ITGB8: variants seen among roughly 807,000 people sequenced by gnomAD.
ITGB8 encodes integrin beta-8.
Under a neutral mutation model 89.5 loss-of-function variants are expected in ITGB8, and 30 were observed. The ratio of observed to expected loss-of-function variants is 0.34; its 90% CI spans 0.25 to 0.45. ITGB8 has a LOEUF of 0.45. Ranked by LOEUF, ITGB8 falls within the 20% of genes least tolerant of loss-of-function variation. ITGB8 has a pLI of 1.00. For missense variants in ITGB8, 836 were observed against 933.3 expected, an observed-to-expected ratio of 0.90 and a Z score of 1.36; for synonymous variants, 335 against 320.4, an observed-to-expected ratio of 1.05 and a Z score of -0.49.
At chr7:20,402,495 C>G (rs1010726248) in intron 10 of ITGB8, among the ~76,000 whole-genome samples, 1 of 152,164 alleles carries the variant, frequency 6.6e-6, no homozygotes, top group South Asian at 2.1e-4. Flanking sequence ...GGTAAATGGT[C>G]ACTCCCTCCA....
At chr7:20,391,325 G>T in intron 6 of ITGB8, 78 bp from the exon 7 acceptor site, 2 of 662,128 alleles carry the variant, frequency 3.0e-6, no homozygotes, top group Non-Finnish European at 2.5e-6. Flanking sequence ...AAGTCATACA[G>T]TTTTCTTCAT....
intron 1 of ITGB8, among the ~76,000 whole-genome samples, chr7:20,342,511 G>A (rs1366299935): frequency 6.6e-6 from 1 of 152,140 alleles, no homozygotes; most frequent in Non-Finnish European, 1.5e-5. Flanking sequence ...GGTTACACAA[G>A]ACCAGGTTGT....
intron 1 of ITGB8, among the ~76,000 whole-genome samples, chr7:20,357,111 T>C (rs987399072): frequency 1.3e-5 from 2 of 152,156 alleles, no homozygotes; most frequent in African/African-American, 4.8e-5. Context: ...ACCATTTAAT[T>C]CTGGGAAATA....
At chr7:20,386,549 C>T (rs2158251) in intron 6 of ITGB8, among the ~76,000 whole-genome samples, 18,816 of 151,500 alleles carry the variant, frequency 0.12, 1,510 homozygotes, top group East Asian at 0.4. Flanking sequence ...TGAGCCACTG[C>T]GCCTGGCCTG....
rs556517632 is a variant in ITGB8 at position 20,393,922 on chromosome 7, C to T, written c.1057-974C>T. ...GTCTGTGCACATCTCTATTGTTTCA[C>T]GTGTTCACATGTACAGTGTTTAGTG... is the stretch of plus-strand genomic sequence containing the variant. On this transcript the variant is annotated intron_variant, in intron 7 of 13. Transcript: ENST00000222573. Among the ~76,000 whole-genome samples the T allele has an allele frequency of 1.4e-4, 21 of 152,266 alleles. No individual in the cohort carries two copies. In the South Asian group the frequency reaches 3.5e-3, roughly 26 times the overall value.
chr7:20,347,550 G>C (rs534523571), intron 1 of ITGB8, among the ~76,000 whole-genome samples: 1 of 152,320 alleles, frequency 6.6e-6, no homozygotes, highest in South Asian at 2.1e-4. Context: ...TTGAGGCTGT[G>C]GTAGAGAGAG....
rs1787892373 is a variant in ITGB8 at position 20,415,309 on chromosome 7, T to C, written c.*5312T>C. 6.6e-6 allele frequency: 1 copy of C among 151,996 alleles called. No individual in the cohort carries two copies. The highest frequency in any genetic ancestry group is 1.9e-4 in the East Asian group (1 of 5,190). The allele number at this position is 151,996 out of a possible 1,614,324, so 9.4% of individuals were successfully genotyped here. On this transcript the variant is annotated 3_prime_UTR_variant, in exon 14 of 14. Transcript: ENST00000222573. The stretch of plus-strand genomic sequence containing the variant: ...AAAAATTAGAAATGTATTAAACTTA[T>C]CAGTAACATAAAAACTTATTTTGTT...
At chr7:20,387,571 T>A (rs1786678459) in intron 6 of ITGB8, among the ~76,000 whole-genome samples, 1 of 152,054 alleles carries the variant, frequency 6.6e-6, no homozygotes, top group Admixed American at 6.6e-5. Flanking sequence ...TCAACTGGAG[T>A]GATTTTACCC....
At chr7:20,362,482 T>A (rs1396230668) in intron 1 of ITGB8, among the ~76,000 whole-genome samples, 1 of 152,172 alleles carries the variant, frequency 6.6e-6, no homozygotes, top group Non-Finnish European at 1.5e-5. Context: ...TGGGGAGCAA[T>A]CCTTAAATAT....
intron 3 of ITGB8, among the ~76,000 whole-genome samples, chr7:20,369,062 C>T (rs1174728245): frequency 6.6e-6 from 1 of 152,134 alleles, no homozygotes; most frequent in Non-Finnish European, 1.5e-5. Context: ...CCAGTTCACA[C>T]CTGAATTTAA....
intron 1 of ITGB8, among the ~76,000 whole-genome samples, chr7:20,358,416 TTTC>T (rs1785375361): frequency 6.6e-6 from 1 of 151,096 alleles, no homozygotes; most frequent in African/African-American, 2.5e-5. Flanking sequence ...GCATCATTTT[TTTC>T]TTTTTTTTTT....
At position 20,391,485 on chromosome 7, in the gene ITGB8, T is replaced by G. The variant is rs1786854088; in HGVS notation, c.1043T>G (p.Phe348Cys). The change falls in exon 7 of 14, where the codon TTT becomes TGT. Residue 348 changes from phenylalanine to cysteine, a missense_variant. By Grantham distance (205) the Phe-to-Cys change is radical (BLOSUM62 -2). Around this residue, in one of 5 missense-constraint regions of ITGB8, gnomAD observed 192 missense variants for 267.1 expected, o/e 0.72. Transcript: ENST00000222573. ...ATCTTTGCAGTTCAAGGAAAACAAT[T>G]TCATTGGTATAAGGTATGTTAACTC... ...NVIFAVQGKQ[F>C]HWYKDLLPLL... The G allele has an allele frequency of 6.4e-7, 1 of 1,567,554 alleles. No homozygotes were observed. Among genetic ancestry groups the G allele is most frequent in the African/African-American group, 1.4e-5 (1 of 73,552 alleles).
chr7:20,334,915 T>C (rs368637325), intron 1 of ITGB8, among the ~76,000 whole-genome samples: 2 of 152,326 alleles, frequency 1.3e-5, no homozygotes, highest in East Asian at 1.9e-4. Context: ...TTAACCATGG[T>C]ATTAACCCTA....
intron 6 of ITGB8, among the ~76,000 whole-genome samples, chr7:20,388,352 G>A (rs1284726242): frequency 6.6e-6 from 1 of 152,188 alleles, no homozygotes; most frequent in Non-Finnish European, 1.5e-5. Flanking sequence ...GATGTCACCA[G>A]AACAGGAGAG....
intron 1 of ITGB8, among the ~76,000 whole-genome samples, chr7:20,343,658 C>T (rs1784833658): frequency 6.6e-6 from 1 of 152,168 alleles, no homozygotes; most frequent in Non-Finnish European, 1.5e-5. Context: ...TTCTGCTCTC[C>T]ACTCCCAGAT....
chr7:20,386,243 A>ATTTTTTTTT (rs3032551), intron 6 of ITGB8, among the ~76,000 whole-genome samples: 4 of 144,850 alleles, frequency 2.8e-5, no homozygotes, highest in African/African-American at 7.7e-5. Flanking sequence ...CTATGAGAAC[A>ATTTTTTTTT]TTTTTTTTTT....
chr7:20,335,599 A>C (rs1429299406), intron 1 of ITGB8, among the ~76,000 whole-genome samples: 1 of 152,124 alleles, frequency 6.6e-6, no homozygotes, highest in Non-Finnish European at 1.5e-5. Context: ...AAACCTTTTT[A>C]TCTCCTATTT....
intron 3 of ITGB8, among the ~76,000 whole-genome samples, chr7:20,369,032 A>T (rs898991919): frequency 1.3e-5 from 2 of 152,146 alleles, no homozygotes; most frequent in Non-Finnish European, 2.9e-5. Context: ...TTCTGACTCA[A>T]ATGAGTCTGA....
At chr7:20,408,443 C>T (rs1316555959) in intron 12 of ITGB8, among the ~76,000 whole-genome samples, 2 of 151,512 alleles carry the variant, frequency 1.3e-5, no homozygotes, top group African/African-American at 2.4e-5. Context: ...TTTCCCTTAT[C>T]ACTGAGCTTG....
Sources: allele counts gnomAD v4.1 joint callset (sites outside exome capture counted in the v4.1 genomes callset), GRCh38; gene constraint gnomAD v4.1.1; regional missense constraint gnomAD v4.1.1; transcripts MANE v1.5; gene names NCBI Gene and HGNC (gene_info 2026-07-23, HGNC 2026-07-21).